Variants in DYNC2H1 observed in about 807,000 individuals in gnomAD.
The protein encoded by DYNC2H1 is dynein cytoplasmic 2 heavy chain 1.
In DYNC2H1, 410 loss-of-function variants were observed where a neutral mutation model predicts 570.0. That is an observed-to-expected ratio of 0.72 (90% CI 0.66 to 0.78). The LOEUF (loss-of-function observed/expected upper bound fraction) is 0.78, where lower values mean the gene tolerates loss of function less well. Ranked by LOEUF, DYNC2H1 falls within the 30% of genes least tolerant of loss-of-function variation. The pLI is 0.00. For missense variants in DYNC2H1, 4,865 were observed against 5,046.4 expected (o/e 0.96, Z 1.09); for synonymous variants, 1,688 against 1,677.6 (o/e 1.01, Z -0.15).
At chr11:103,335,898 G>T (rs1213106602) in intron 82 of DYNC2H1, among the ~76,000 whole-genome samples, 1 of 152,096 alleles carries the variant, frequency 6.6e-6, no homozygotes, top group Non-Finnish European at 1.5e-5. Flanking sequence ...GGATATTGAG[G>T]CCCAGGGAGG....
intron 55 of DYNC2H1, among the ~76,000 whole-genome samples, chr11:103,219,100 T>A (rs187117618): frequency 3.9e-5 from 6 of 152,228 alleles, no homozygotes; most frequent in African/African-American, 1.2e-4. Context: ...TAAGAAATTA[T>A]GCATTTCAGG....
rs1591273644 is a variant in DYNC2H1 at position 103,122,963 on chromosome 11, A to G, written c.1624A>G (p.Ile542Val). 6.3e-7 allele frequency: 1 copy of G among 1,586,222 alleles called. No homozygotes were observed. The highest frequency in any genetic ancestry group is 8.6e-7 in the Non-Finnish European group (1 of 1,162,704). Residue 542 changes from isoleucine to valine, a missense_variant, in exon 11 of 89, where the codon ATT becomes GTT. By Grantham distance (29) the Ile-to-Val change is conservative. Around this residue, in one of 5 missense-constraint regions of DYNC2H1, gnomAD observed 1,936 missense variants for 1,962.1 expected, o/e 0.99. Coordinates refer to ENST00000375735, the MANE Select transcript of DYNC2H1 (RefSeq NM_001377.3). ...ACAATTTGATGATTGGTCCAGGGAT[A>G]TTCAATCAGGTTTATCTGATTCCAG... Reference protein sequence around the residue: ...QEQFDDWSRDIQSGLSDSRSG... With the variant: ...QEQFDDWSRDVQSGLSDSRSG...
intron 83 of DYNC2H1, among the ~76,000 whole-genome samples, chr11:103,390,045 A>C (rs191254002): frequency 6.6e-6 from 1 of 152,092 alleles, no homozygotes; most frequent in African/African-American, 2.4e-5. Flanking sequence ...CAATTCCTGG[A>C]TATCCTTGCG....
At chr11:103,156,172 A>C (rs1321035894) in intron 25 of DYNC2H1, among the ~76,000 whole-genome samples, 1 of 151,966 alleles carries the variant, frequency 6.6e-6, no homozygotes, top group Admixed American at 6.6e-5. Flanking sequence ...ATATATTTTG[A>C]CCATGTGAAC....
chr11:103,206,795 G>A (rs1179641105), intron 52 of DYNC2H1, among the ~76,000 whole-genome samples: 1 of 152,158 alleles, frequency 6.6e-6, no homozygotes, highest in African/African-American at 2.4e-5. Context: ...GGAAAAAGCC[G>A]TATTGGAATA....
chr11:103,360,786 A>G (rs1940599717), intron 83 of DYNC2H1, among the ~76,000 whole-genome samples: 1 of 152,320 alleles, frequency 6.6e-6, no homozygotes, highest in East Asian at 1.9e-4. Flanking sequence ...GAGAGATATT[A>G]GAAGATGAAG....
rs184371917 is a variant in DYNC2H1 at position 103,401,408 on chromosome 11, A to T, written c.12366+1536A>T. Among the ~76,000 whole-genome samples, 84 of 152,318 alleles carry T rather than the reference A, an allele frequency of 5.5e-4. 1 individual carries two copies. Among genetic ancestry groups the T allele is most frequent in the Middle Eastern group, 3.4e-3 (1 of 294 alleles). The stretch of plus-strand genomic sequence containing the variant: ...AGGAAGATGACATGTAGAAGAGAAG[A>T]GTAAGTCTAGTAGGACGGGTACACA... On this transcript the variant is annotated intron_variant, in intron 84 of 88. Coordinates refer to ENST00000375735, the MANE Select transcript of DYNC2H1 (RefSeq NM_001377.3).
At chr11:103,432,857 C>G (rs1943941327) in intron 84 of DYNC2H1, among the ~76,000 whole-genome samples, 1 of 152,084 alleles carries the variant, frequency 6.6e-6, no homozygotes, top group Non-Finnish European at 1.5e-5. Flanking sequence ...ACCATAGTTA[C>G]TAACACATAG....
chr11:103,432,554 C>T (rs505677), intron 84 of DYNC2H1, among the ~76,000 whole-genome samples: 83,800 of 151,420 alleles, frequency 0.55, 23,758 homozygotes, highest in East Asian at 0.71. Flanking sequence ...CACTGATTTA[C>T]GACCCATTGT....
chr11:103,440,833 C>T (rs1944241943), intron 85 of DYNC2H1, among the ~76,000 whole-genome samples: 1 of 152,150 alleles, frequency 6.6e-6, no homozygotes, highest in South Asian at 2.1e-4. Context: ...GTCATATTTT[C>T]TCTGCATTCA....
chr11:103,148,729 A>C (rs1938875661), intron 20 of DYNC2H1, 112 bp downstream of exon 20: 1 of 1,304,896 alleles, frequency 7.7e-7, no homozygotes, highest in East Asian at 2.6e-5. Flanking sequence ...CATTATAAGG[A>C]GGTCCACAAT....
At chr11:103,344,158 T>C (rs762580114) in intron 82 of DYNC2H1, among the ~76,000 whole-genome samples, 7 of 152,180 alleles carry the variant, frequency 4.6e-5, no homozygotes, top group Non-Finnish European at 7.3e-5. Flanking sequence ...GTCATTTGAA[T>C]CAACATTTAC....
Position 103,189,811 on chromosome 11 carries a change from G to T in DYNC2H1, c.7432G>T (p.Glu2478Ter). 2 of 1,604,026 alleles carry T rather than the reference G, an allele frequency of 1.2e-6. No homozygotes were observed. Among genetic ancestry groups the T allele is most frequent in the South Asian group, 2.2e-5 (2 of 89,324 alleles). ...AGCAGGATCTATGGTACAAGTGTAT[G>T]AACAGGTAGATATGCATCTAAATTG... ...LLAGSMVQVY[E>*]QVRAKFTVDD... Residue 2478 changes from glutamate (E) to a stop codon, truncating the protein, a stop_gained, in exon 45 of 89, where the codon GAA (glutamate) becomes TAA (stop). Transcript: ENST00000375735. LOFTEE classifies it high-confidence loss of function. This position sits in a 1 kb window ranked among gnomAD's most constrained non-coding sequence, Gnocchi z 4.3.
intron 83 of DYNC2H1, among the ~76,000 whole-genome samples, chr11:103,379,757 T>A (rs1313200502): frequency 1.3e-5 from 2 of 152,206 alleles, no homozygotes; most frequent in Non-Finnish European, 2.9e-5. Flanking sequence ...AAATGCTCTT[T>A]CCTTCTCCTG....
chr11:103,358,899 T>C (rs1400937406), intron 83 of DYNC2H1, among the ~76,000 whole-genome samples: 1 of 152,226 alleles, frequency 6.6e-6, no homozygotes, highest in Non-Finnish European at 1.5e-5. Context: ...AATGGAATAA[T>C]TTGCATAATT....
intron 84 of DYNC2H1, among the ~76,000 whole-genome samples, chr11:103,400,892 T>G (rs1942610853): frequency 6.6e-6 from 1 of 152,226 alleles, no homozygotes; most frequent in African/African-American, 2.4e-5. Flanking sequence ...TTTGCATTGT[T>G]TTTTCTTTGT....
At chr11:103,443,055 C>G (rs1445044801) in intron 85 of DYNC2H1, among the ~76,000 whole-genome samples, 1 of 150,174 alleles carries the variant, frequency 6.7e-6, no homozygotes, top group Admixed American at 6.7e-5. Flanking sequence ...TGCTAAATGT[C>G]TTGTATGCCA....
chr11:103,463,401 T>A (rs570707510), intron 87 of DYNC2H1, among the ~76,000 whole-genome samples: 2 of 152,162 alleles, frequency 1.3e-5, no homozygotes, highest in Non-Finnish European at 2.9e-5. Context: ...TTGTTGCTGG[T>A]CGAATCCAGT....
chr11:103,156,138 A>G (rs1860806381), intron 25 of DYNC2H1, among the ~76,000 whole-genome samples: 1 of 152,148 alleles, frequency 6.6e-6, no homozygotes, highest in Non-Finnish European at 1.5e-5. Context: ...TTAGAGAGGT[A>G]AAAAGCATAA....
Sources: allele counts gnomAD v4.1 joint callset (sites outside exome capture counted in the v4.1 genomes callset), GRCh38; gene constraint gnomAD v4.1.1; regional missense constraint gnomAD v4.1.1; non-coding constraint Gnocchi (gnomAD v3.1); transcripts MANE v1.5; gene names NCBI Gene and HGNC (gene_info 2026-07-23, HGNC 2026-07-21).